Variants in ENTREP1 observed in about 807,000 individuals in gnomAD.
ENTREP1 encodes endosomal transmembrane epsin interactor 1.
chr9:69,363,264 A>C, the ENTREP1 span, among the ~76,000 whole-genome samples: 1 of 152,190 alleles, frequency 6.6e-6, no homozygotes, highest in East Asian at 1.9e-4. Flanking sequence ...AGTAAACCCC[A>C]ATGATGCATT....
the ENTREP1 span, among the ~76,000 whole-genome samples, chr9:69,363,162 C>T: frequency 6.6e-6 from 1 of 152,162 alleles, no homozygotes; most frequent in Non-Finnish European, 1.5e-5. Flanking sequence ...GGCAAGCCCT[C>T]TACTTTTTGG....
At chr9:69,374,568 T>A in the ENTREP1 span, among the ~76,000 whole-genome samples, 2 of 152,160 alleles carry the variant, frequency 1.3e-5, no homozygotes, top group African/African-American at 4.8e-5. Flanking sequence ...GTTGTGCCAG[T>A]CTGATGAAGC....
the ENTREP1 span, among the ~76,000 whole-genome samples, chr9:69,326,329 C>T: frequency 6.6e-6 from 1 of 152,148 alleles, no homozygotes; most frequent in African/African-American, 2.4e-5. Flanking sequence ...AAAGGAAGGC[C>T]TTAACCCCAC....
At chr9:69,382,405 C>G in the ENTREP1 span, 2 of 152,154 alleles carry the variant, frequency 1.3e-5, no homozygotes, top group African/African-American at 2.4e-5. Flanking sequence ...ACGAAGGGAC[C>G]CTTTGTGCTA....
At chr9:69,383,344 A>T in the ENTREP1 span, 1 of 1,132,796 alleles carries the variant, frequency 8.8e-7, no homozygotes, top group Non-Finnish European at 1.1e-6. Flanking sequence ...ATCCCCTGGC[A>T]GCCACTAATC....
the ENTREP1 span, among the ~76,000 whole-genome samples, chr9:69,370,227 A>G: frequency 6.6e-6 from 1 of 152,126 alleles, no homozygotes; most frequent in African/African-American, 2.4e-5. Flanking sequence ...AGACTTTTCC[A>G]TAGTAACAGT....
chr9:69,331,259 T>C, the ENTREP1 span, among the ~76,000 whole-genome samples: 7 of 152,256 alleles, frequency 4.6e-5, no homozygotes, highest in Admixed American at 4.6e-4. Context: ...TTTTGATAAA[T>C]GATTCAGAAC....
the ENTREP1 span, chr9:69,383,670 G>A: frequency 8.1e-6 from 13 of 1,613,928 alleles, no homozygotes; most frequent in African/African-American, 2.7e-5. Context: ...ACACATCTAC[G>A]GAGCTCGAAT....
the ENTREP1 span, among the ~76,000 whole-genome samples, chr9:69,344,823 G>A: frequency 6.6e-6 from 1 of 152,170 alleles, no homozygotes; most frequent in Non-Finnish European, 1.5e-5. Context: ...CTTGCTAGAA[G>A]TGCCAGCTCC....
the ENTREP1 span, among the ~76,000 whole-genome samples, chr9:69,364,527 G>A: frequency 6.6e-6 from 1 of 152,056 alleles, no homozygotes; most frequent in Non-Finnish European, 1.5e-5. Context: ...GTTTAAGGAG[G>A]ATGCCATCTG....
At chr9:69,353,658 A>G in the ENTREP1 span, among the ~76,000 whole-genome samples, 1 of 152,350 alleles carries the variant, frequency 6.6e-6, no homozygotes, top group Admixed American at 6.5e-5. Flanking sequence ...ACTTTTCTTA[A>G]TCAAAACCTT....
At chr9:69,340,587 A>ATGTGTGCATGCGTGTGTGTGTGCATGTG in the ENTREP1 span, among the ~76,000 whole-genome samples, 43 of 134,596 alleles carry the variant, frequency 3.2e-4, 1 homozygote, top group African/African-American at 1.1e-3. Flanking sequence ...GCTAGGAAGT[A>ATGTGTGCATGCGTGTGTGTGTGCATGTG]TGTGTGCATG....
the ENTREP1 span, chr9:69,325,741 G>C: frequency 1.6e-6 from 2 of 1,224,430 alleles, no homozygotes; most frequent in Non-Finnish European, 2.0e-6. Context: ...CCGCGCGCGC[G>C]CCCCGTTCGC....
At chr9:69,325,778 T>C in the ENTREP1 span, 1 of 1,213,910 alleles carries the variant, frequency 8.2e-7, no homozygotes, top group Non-Finnish European at 1.0e-6. Context: ...TAGGGGGCTC[T>C]GGTCGTTCCT....
the ENTREP1 span, among the ~76,000 whole-genome samples, chr9:69,355,912 A>G: frequency 1.2e-4 from 19 of 152,304 alleles, no homozygotes; most frequent in African/African-American, 4.6e-4. Flanking sequence ...CAGGAGGCCT[A>G]CTTTTTTGTG....
chr9:69,375,761 G>A, the ENTREP1 span: 1 of 1,613,468 alleles, frequency 6.2e-7, no homozygotes, highest in Non-Finnish European at 8.5e-7. Context: ...GGCAAGATTT[G>A]CTTCTGTTGT....
At chr9:69,351,043 A>G in the ENTREP1 span, among the ~76,000 whole-genome samples, 1 of 152,216 alleles carries the variant, frequency 6.6e-6, no homozygotes, top group Non-Finnish European at 1.5e-5. Flanking sequence ...ATCTTAGAAG[A>G]AGATTGCTGG....
the ENTREP1 span, chr9:69,382,668 T>C: frequency 6.6e-5 from 10 of 152,212 alleles, no homozygotes; most frequent in Admixed American, 5.2e-4. Flanking sequence ...GAAGATGATA[T>C]CCTTTTCAAA....
chr9:69,325,729 T>C, the ENTREP1 span: 1 of 1,226,932 alleles, frequency 8.2e-7, no homozygotes, highest in East Asian at 3.2e-5. Flanking sequence ...CCTCGGTGAG[T>C]ACCGCGCGCG....
Sources: allele counts gnomAD v4.1 joint callset (sites outside exome capture counted in the v4.1 genomes callset), GRCh38; gene constraint gnomAD v4.1.1; transcripts MANE v1.5; gene names NCBI Gene and HGNC (gene_info 2026-07-23, HGNC 2026-07-21).